ZNF527: variants seen among roughly 807,000 people sequenced by gnomAD.
ZNF527 encodes the protein zinc finger protein 527.
A neutral mutation model predicts 13.5 loss-of-function variants in ZNF527; 5 were observed. The observed-to-expected ratio is 0.37, with a 90% CI of 0.19 to 0.78. The LOEUF is 0.78. ZNF527 is among the 30% of genes least tolerant of loss of function. The pLI, the probability that ZNF527 is intolerant of heterozygous loss-of-function variation, is 0.48. For missense variants in ZNF527, 628 were observed against 726.4 expected, an observed-to-expected ratio of 0.86 and a Z score of 1.56; for synonymous variants, 209 against 243.1, an observed-to-expected ratio of 0.86 and a Z score of 1.30.
chr19:37,373,973 T>C (rs1441417637), intron 1 of ZNF527, among the ~76,000 whole-genome samples, 185 bp from the exon 2 acceptor site: 1 of 152,040 alleles, frequency 6.6e-6, no homozygotes, highest in Non-Finnish European at 1.5e-5. Context: ...GTCCTTAATA[T>C]ATAAGTCAAG....
intron 4 of ZNF527, among the ~76,000 whole-genome samples, chr19:37,384,423 C>A (rs977296017): frequency 6.6e-6 from 1 of 151,878 alleles, no homozygotes; most frequent in Admixed American, 6.6e-5. Context: ...ACTTAAGCCT[C>A]GGAGGTCAAG....
In ZNF527 at chr19:37,388,504, C is replaced by T. The variant is rs2040718752; in HGVS notation, c.455C>T (p.Ala152Val). ...NAERHFMQVTAVKEISTGKRD... is the reference protein window; with the variant it reads ...NAERHFMQVTVVKEISTGKRD... ...GAGAGGCATTTCATGCAAGTGACAG[C>T]TGTTAAGGAAATCTCTACTGGGAAA... Residue 152 changes from alanine to valine, a missense_variant, in exon 5 of 5, where the codon GCT becomes GTT. Physicochemically the swap from Ala to Val is moderately conservative, Grantham distance 64. Coordinates refer to ENST00000436120, the MANE Select transcript of ZNF527 (RefSeq NM_032453.2). 1 of 1,613,992 alleles carries T rather than the reference C, an allele frequency of 6.2e-7. No homozygotes were observed. Among genetic ancestry groups the T allele is most frequent in the Admixed American group, 1.7e-5 (1 of 59,998 alleles).
At position 37,389,072 on chromosome 19, in the gene ZNF527, G is replaced by C; in HGVS notation, c.1023G>C (p.Gln341His). ...ECKECNKAFR[Q>H]SAHLAQHQRI... ...AGGAATGTAACAAAGCTTTCAGACA[G>C]AGTGCTCACCTTGCTCAACATCAGA... Residue 341 changes from glutamine to histidine, a missense_variant, in exon 5 of 5, where the codon CAG (glutamine) becomes CAC (histidine). By Grantham distance (24) the Gln-to-His change is conservative (BLOSUM62 0). Transcript: ENST00000436120. 1 of 1,614,242 alleles carries C rather than the reference G, an allele frequency of 6.2e-7. No individual in the cohort carries two copies. The highest frequency in any genetic ancestry group is 1.6e-4 in the Middle Eastern group (1 of 6,062).
chr19:37,375,639 G>T (rs1395627058), intron 2 of ZNF527, among the ~76,000 whole-genome samples: 2 of 151,964 alleles, frequency 1.3e-5, no homozygotes, highest in African/African-American at 2.4e-5. Flanking sequence ...GATTACAGGG[G>T]TGAGCCAGTG....
chr19:37,388,767 C>T lies in ZNF527; in HGVS notation c.718C>T (p.Pro240Ser). The change falls in exon 5 of 5, where the codon CCT becomes TCT. Residue 240 changes from proline (P) to serine (S), a missense_variant. By Grantham distance (74) the Pro-to-Ser change is moderately conservative. Transcript: ENST00000436120. ...GTACCTTAGTAAAGATATAGGAATTCCTCCTGGGGAGAAACCTTATGAAAG... is the reference window on the plus strand; with the variant it reads ...GTACCTTAGTAAAGATATAGGAATTTCTCCTGGGGAGAAACCTTATGAAAG... The part of the protein sequence containing the change: ...STYLSKDIGI[P>S]PGEKPYESHD... 1.2e-6 allele frequency: 2 copies of T among 1,612,722 alleles called. No homozygotes were observed. Among genetic ancestry groups the T allele is most frequent in the East Asian group, 2.2e-5 (1 of 44,872 alleles).
At position 37,389,837 on chromosome 19, in the gene ZNF527, C is replaced by G. The variant is rs184664440; in HGVS notation, c.1788C>G (p.Ala596=). The part of the protein sequence containing the change: ...ECGNNFSCVS[A]LRRHQRIHNR... ...GGAATAATTTTAGCTGTGTCTCAGCCCTTAGACGACATCAGAGAATTCATA... is the reference window on the plus strand; with the variant it reads ...GGAATAATTTTAGCTGTGTCTCAGCGCTTAGACGACATCAGAGAATTCATA... Residue 596 remains alanine, a synonymous_variant, in exon 5 of 5, where the codon GCC becomes GCG. Transcript: ENST00000436120. 5 of 1,609,704 alleles carry G rather than the reference C, an allele frequency of 3.1e-6. No individual in the cohort carries two copies. In the African/African-American group the frequency reaches 5.4e-5, roughly 17 times the overall value.
Position 37,388,857 on chromosome 19 carries a change from G to A in ZNF527, c.808G>A (p.Gly270Arg). 1 of 1,614,098 alleles carries A rather than the reference G, an allele frequency of 6.2e-7. No homozygotes were observed. The highest frequency in any genetic ancestry group is 2.2e-5 in the East Asian group (1 of 44,876). Residue 270 changes from glycine to arginine, a missense_variant, in exon 5 of 5, where the codon GGA (glycine) becomes AGA (arginine). By Grantham distance (125) the Gly-to-Arg change is moderately radical. Transcript: ENST00000436120. ...TACTCAACATCAGACCACTCATTTT[G>A]GAAAATTACCCCATGGATACGATGA... The part of the protein sequence containing the change: ...LFTQHQTTHF[G>R]KLPHGYDECG...
rs765470120 is a variant in ZNF527, at chr19:37,388,532, A to T, written c.483A>T (p.Arg161Ser). The change falls in exon 5 of 5, where the codon AGA becomes AGT. Residue 161 changes from arginine to serine, a missense_variant. Around this residue, in one of 3 missense-constraint regions of ZNF527, gnomAD observed 592 missense variants for 678.0 expected, o/e 0.87. Transcript: ENST00000436120. ...TTAAGGAAATCTCTACTGGGAAAAG[A>T]GACAATGAATTTAGTAATTCTGGGA... The part of the protein sequence containing the change: ...TAVKEISTGK[R>S]DNEFSNSGRS... The T allele has an allele frequency of 1.2e-6, 2 of 1,614,190 alleles. No individual in the cohort carries two copies. Among genetic ancestry groups the T allele is most frequent in the Non-Finnish European group, 1.7e-6 (2 of 1,180,018 alleles).
At chr19:37,384,281 G>T (rs1054124751) in intron 4 of ZNF527, among the ~76,000 whole-genome samples, 1 of 152,110 alleles carries the variant, frequency 6.6e-6, no homozygotes, top group East Asian at 1.9e-4. Flanking sequence ...TCGCGCCACG[G>T]CACTTCAGCT....
At chr19:37,375,185 C>G (rs1355858364) in intron 2 of ZNF527, among the ~76,000 whole-genome samples, 1 of 151,972 alleles carries the variant, frequency 6.6e-6, no homozygotes, top group Non-Finnish European at 1.5e-5. Context: ...AAATGGAATG[C>G]TGATTATACA....
chr19:37,371,399 CTG>C lies in ZNF527; in HGVS notation c.-42+185_-42+186del, dbSNP rs766894127. Among the ~76,000 whole-genome samples the C allele has an allele frequency of 1.6e-4, 24 of 152,010 alleles. No individual in the cohort carries two copies. The South Asian group carries it at 2.7e-3, about 17-fold the overall frequency. ...TGTGACAGAATGTGATCTTGTGTCA[CTG>C]TGTGTGTGTGTTTGTGCGCGTGCGC... is the stretch of plus-strand genomic sequence containing the variant. On this transcript the variant is annotated intron_variant, in intron 1 of 4. Coordinates refer to ENST00000436120, the MANE Select transcript of ZNF527 (RefSeq NM_032453.2).
At chr19:37,382,616 G>C (rs998301213) in intron 4 of ZNF527, among the ~76,000 whole-genome samples, 3 of 152,062 alleles carry the variant, frequency 2.0e-5, no homozygotes, top group Non-Finnish European at 2.9e-5. Context: ...ACTAGATTTA[G>C]GTATTTGTAT....
rs2040759159 is a variant in ZNF527, at chr19:37,392,035, A to G, written c.*2156A>G. Reference sequence around the variant, plus strand: ...TTATACTTATTTCTAATAAAATCTGAAAATTATTTTTCATAAATATTCAAA... The same window carrying G: ...TTATACTTATTTCTAATAAAATCTGGAAATTATTTTTCATAAATATTCAAA... On this transcript the variant is annotated 3_prime_UTR_variant, in exon 5 of 5. Coordinates refer to ENST00000436120, the MANE Select transcript of ZNF527 (RefSeq NM_032453.2). The G allele has an allele frequency of 6.6e-6, 1 of 152,252 alleles. No homozygotes were observed. The highest frequency in any genetic ancestry group is 1.5e-5 in the Non-Finnish European group (1 of 68,048). 9.4% of individuals were successfully genotyped at this position (152,252 alleles called of 1,614,324 possible). A position where few individuals can be genotyped will look rare whatever the true frequency, so the allele number is the denominator to read the frequency against.
In ZNF527 at chr19:37,385,392, C is replaced by A. The variant is rs1186859801; in HGVS notation, c.257-2914C>A. ...GGTTTTTAATGCTGTAAGTGTGTTT[C>A]TCTTGATATTTTTTTCATGACCTTT... is the stretch of plus-strand genomic sequence containing the variant. On this transcript the variant is annotated intron_variant, in intron 4 of 4. Transcript: ENST00000436120. 4 of 398,942 alleles carry A rather than the reference C, an allele frequency of 1.0e-5. No individual in the cohort carries two copies. The East Asian group carries it at 1.4e-4, about 14-fold the overall frequency. The allele number at this position is 398,942 out of a possible 1,614,324, so 24.7% of individuals were successfully genotyped here.
At chr19:37,381,199 A>C (rs1168694735) in intron 4 of ZNF527, among the ~76,000 whole-genome samples, 1 of 151,658 alleles carries the variant, frequency 6.6e-6, no homozygotes, top group Non-Finnish European at 1.5e-5. Flanking sequence ...ATGACTTGGG[A>C]ATTTTGTTTG....
At chr19:37,385,175 G>T in intron 4 of ZNF527, 2 of 445,640 alleles carry the variant, frequency 4.5e-6, no homozygotes, top group Non-Finnish European at 7.9e-6. Flanking sequence ...CTAAATTCTG[G>T]GCATTATTCA....
intron 1 of ZNF527, among the ~76,000 whole-genome samples, chr19:37,371,558 G>A (rs1158842975): frequency 6.6e-6 from 1 of 152,168 alleles, no homozygotes; most frequent in Non-Finnish European, 1.5e-5. Flanking sequence ...TTGTGTGTTT[G>A]TGTAAATGCA....
intron 4 of ZNF527, 126 bp from the exon 5 acceptor site, chr19:37,388,180 A>T: frequency 1.0e-6 from 1 of 991,552 alleles, no homozygotes; most frequent in East Asian, 2.6e-5. Context: ...CATATTTGGG[A>T]GCTATTAGAA....
In ZNF527 at chr19:37,391,577, A is replaced by T. The variant is rs1460161547; in HGVS notation, c.*1698A>T. On this transcript the variant is annotated 3_prime_UTR_variant, in exon 5 of 5. Transcript: ENST00000436120. ...AGAGCGAAACTCCTTCTCAAAAAAA[A>T]AAAAAAAAAAAAAATAAATAAATAA... 1.2e-5 allele frequency: 1 copy of T among 83,228 alleles called. No individual in the cohort carries two copies. The highest frequency in any genetic ancestry group is 6.4e-5 in the African/African-American group (1 of 15,658). The allele number at this position is 83,228 out of a possible 1,614,324, so 5.2% of individuals were successfully genotyped here. A position where few individuals can be genotyped will look rare whatever the true frequency, so the allele number is the denominator to read the frequency against.
Sources: gnomAD v4.1 joint callset for allele counts (sites outside exome capture counted in the v4.1 genomes callset) on GRCh38, gnomAD v4.1.1 for gene constraint, gnomAD v4.1.1 regional missense constraint, MANE v1.5 for transcripts, NCBI Gene and HGNC (gene_info 2026-07-23, HGNC 2026-07-21) for gene names.